ADGRV1: variants seen among roughly 807,000 people sequenced by gnomAD.
ADGRV1 encodes G-protein coupled receptor 98.
In ADGRV1, 359 loss-of-function variants were observed where a neutral mutation model predicts 596.2. The ratio of observed to expected loss-of-function variants is 0.60; its 90% CI spans 0.55 to 0.66. The LOEUF is 0.66. Among genes scored for constraint, ADGRV1 ranks in the 30% least tolerant of loss-of-function variants. ADGRV1 has a pLI of 0.00. For synonymous variants in ADGRV1, 2,681 were observed against 2,679.2 expected (o/e 1.00, Z -0.02); for missense variants, 7,274 against 7,575.6 (o/e 0.96, Z 1.48).
intron 87 of ADGRV1, among the ~76,000 whole-genome samples, chr5:91,115,947 A>AAACAAC (rs3079443): frequency 0.043 from 6,512 of 150,618 alleles, 394 homozygotes; most frequent in African/African-American, 0.14. Flanking sequence ...CTTCCATCTA[A>AAACAAC]AACAACAACA....
At position 90,753,570 on chromosome 5, in the gene ADGRV1, C is replaced by G. The variant is rs753742004; in HGVS notation, c.11122-4C>G. Reference sequence around the variant, plus strand: ...AATAACATCTTCTTTCTTTAAAATTCTAGATTTTATTTACTGAAGGCCAGG... The same window carrying G: ...AATAACATCTTCTTTCTTTAAAATTGTAGATTTTATTTACTGAAGGCCAGG... On this transcript the variant is annotated splice_region_variant and splice_polypyrimidine_tract_variant and intron_variant, in intron 53 of 89. Coordinates refer to ENST00000405460, the MANE Select transcript of ADGRV1 (RefSeq NM_032119.4). 6.3e-7 allele frequency: 1 copy of G among 1,579,626 alleles called. No homozygotes were observed. The highest frequency in any genetic ancestry group is 8.7e-7 in the Non-Finnish European group (1 of 1,152,450).
chr5:90,803,986 T>A (rs1340176845), intron 71 of ADGRV1, among the ~76,000 whole-genome samples: 2 of 152,086 alleles, frequency 1.3e-5, no homozygotes, highest in African/African-American at 2.4e-5. Context: ...CTTGTATCAG[T>A]GTTTGGTGTG....
intron 75 of ADGRV1, among the ~76,000 whole-genome samples, chr5:90,820,738 T>A (rs1247620215): frequency 3.3e-5 from 5 of 151,584 alleles, no homozygotes; most frequent in Non-Finnish European, 5.9e-5. Context: ...ATGTTGAATA[T>A]TGGCCCCCAC....
intron 70 of ADGRV1, among the ~76,000 whole-genome samples, chr5:90,797,447 C>T (rs1760866364): frequency 6.6e-6 from 1 of 152,112 alleles, no homozygotes; most frequent in Non-Finnish European, 1.5e-5. Flanking sequence ...TATATATGCA[C>T]TCAATACAGG....
chr5:91,144,441 A>T (rs949224299), intron 87 of ADGRV1, among the ~76,000 whole-genome samples: 1 of 152,058 alleles, frequency 6.6e-6, no homozygotes, highest in Non-Finnish European at 1.5e-5. Flanking sequence ...AGTAGCTGGG[A>T]TGGCAGGTGT....
chr5:90,626,998 C>T (rs1011665329), intron 6 of ADGRV1, among the ~76,000 whole-genome samples: 1 of 152,110 alleles, frequency 6.6e-6, no homozygotes, highest in South Asian at 2.1e-4. Flanking sequence ...CTATTGCTTC[C>T]TTACGTTTTC....
Position 91,163,832 on chromosome 5 carries a change from G to C in ADGRV1, c.18853G>C (p.Gly6285Arg), listed in dbSNP as rs781282530. 1.9e-6 allele frequency: 3 copies of C among 1,607,024 alleles called. No homozygotes were observed. The highest frequency in any genetic ancestry group is 2.2e-5 in the East Asian group (1 of 44,776). ...DNESGQGSQE[G>R]GTLTDSQIVE... Reference sequence around the variant, plus strand: ...TGAATCTGGTCAAGGCAGCCAGGAGGGGGGCACCTTGACTGACTCCCAGAT... The same window carrying C: ...TGAATCTGGTCAAGGCAGCCAGGAGCGGGGCACCTTGACTGACTCCCAGAT... The change falls in exon 90 of 90, where the codon GGG becomes CGG. Residue 6285 changes from glycine (G) to arginine (R), a missense_variant. Around this residue, in one of 5 missense-constraint regions of ADGRV1, gnomAD observed 1,874 missense variants for 1,970.2 expected, o/e 0.95. Transcript: ENST00000405460.
chr5:91,080,945 C>T (rs1789305552), intron 86 of ADGRV1, among the ~76,000 whole-genome samples: 1 of 152,122 alleles, frequency 6.6e-6, no homozygotes, highest in Non-Finnish European at 1.5e-5. Flanking sequence ...TCATCAATAT[C>T]TCTCAAATGT....
chr5:90,769,517 A>G (rs959604393), intron 59 of ADGRV1, among the ~76,000 whole-genome samples: 1 of 152,190 alleles, frequency 6.6e-6, no homozygotes, highest in African/African-American at 2.4e-5. Flanking sequence ...AGAGAGAATC[A>G]TGATGCATAT....
chr5:90,934,755 C>T (rs1343417341), intron 83 of ADGRV1, among the ~76,000 whole-genome samples: 5 of 152,136 alleles, frequency 3.3e-5, no homozygotes, highest in Non-Finnish European at 7.3e-5. Context: ...CTCGCAGTTC[C>T]GGAGGCTGGC....
At chr5:90,993,547 A>G (rs1562059268) in intron 85 of ADGRV1, among the ~76,000 whole-genome samples, 1 of 152,084 alleles carries the variant, frequency 6.6e-6, no homozygotes, top group African/African-American at 2.4e-5. Flanking sequence ...TGGAATTTAC[A>G]CATTTTTGGC....
chr5:90,682,572 C>T (rs538986712), intron 27 of ADGRV1, among the ~76,000 whole-genome samples: 11 of 152,200 alleles, frequency 7.2e-5, no homozygotes, highest in South Asian at 2.1e-4. Context: ...AGCTTCCATA[C>T]GAATAATGAA....
chr5:90,657,572 A>C (rs1212253607), intron 20 of ADGRV1, among the ~76,000 whole-genome samples: 1 of 152,142 alleles, frequency 6.6e-6, no homozygotes, highest in Non-Finnish European at 1.5e-5. Context: ...ATACATGCAT[A>C]CGTGTGTATG....
intron 77 of ADGRV1, among the ~76,000 whole-genome samples, chr5:90,830,610 C>T (rs1764444689): frequency 2.6e-5 from 4 of 152,076 alleles, no homozygotes; most frequent in African/African-American, 7.2e-5. Flanking sequence ...TTTCTAGATT[C>T]TTCATAAGTG....
chr5:90,753,595 G>A lies in ADGRV1; in HGVS notation c.11143G>A (p.Val3715Ile). The A allele has an allele frequency of 1.2e-6, 2 of 1,608,288 alleles. No individual in the cohort carries two copies. The highest frequency in any genetic ancestry group is 8.5e-7 in the Non-Finnish European group (1 of 1,175,276). ...CTAGATTTTATTTACTGAAGGCCAGGTACTGTCAACAATCACTCTAACTAT... is the reference window on the plus strand; with the variant it reads ...CTAGATTTTATTTACTGAAGGCCAGATACTGTCAACAATCACTCTAACTAT... ...SGVILFTEGQVLSTITLTILA... is the reference protein window; with the variant it reads ...SGVILFTEGQILSTITLTILA... Residue 3715 changes from valine (V) to isoleucine (I), a missense_variant, in exon 54 of 90, where the codon GTA becomes ATA. This residue lies in a region of ADGRV1 where 3,643 missense variants were observed against 3,809.2 expected (regional missense o/e 0.96). Coordinates refer to ENST00000405460, the MANE Select transcript of ADGRV1 (RefSeq NM_032119.4).
intron 83 of ADGRV1, among the ~76,000 whole-genome samples, chr5:90,900,117 T>C (rs1362438852): frequency 6.6e-6 from 1 of 152,182 alleles, no homozygotes. Flanking sequence ...TGGTAAAGTT[T>C]TATTATGACA....
chr5:90,568,456 T>C (rs1755940560), intron 1 of ADGRV1, among the ~76,000 whole-genome samples: 1 of 152,202 alleles, frequency 6.6e-6, no homozygotes, highest in African/African-American at 2.4e-5. Flanking sequence ...CTAATCTCAT[T>C]CTCTTATGGT....
chr5:91,111,405 G>A (rs993256594), intron 87 of ADGRV1, among the ~76,000 whole-genome samples: 1 of 152,066 alleles, frequency 6.6e-6, no homozygotes, highest in African/African-American at 2.4e-5. Flanking sequence ...GTATTTCTTT[G>A]CTCATAGAAA....
chr5:90,713,071 G>A (rs563050921), intron 42 of ADGRV1, among the ~76,000 whole-genome samples: 3 of 152,066 alleles, frequency 2.0e-5, no homozygotes, highest in Non-Finnish European at 2.9e-5. Flanking sequence ...AGTCACTTCC[G>A]TTCATTCTGA....
Sources: allele counts gnomAD v4.1 joint callset (sites outside exome capture counted in the v4.1 genomes callset), GRCh38; gene constraint gnomAD v4.1.1; regional missense constraint gnomAD v4.1.1; transcripts MANE v1.5; gene names NCBI Gene and HGNC (gene_info 2026-07-23, HGNC 2026-07-21).